The following ST3GAL1 variants were observed in gnomAD, a reference collection of about 807,000 sequenced individuals.
The protein encoded by ST3GAL1 is ST3 beta-galactoside alpha-2,3-sialyltransferase 1, also known as CMP-N-acetylneuraminate-beta-galactosamide-alpha-2,3-sialyltransferase 1.
In ST3GAL1, 16 loss-of-function variants were observed where a neutral mutation model predicts 34.1. The observed-to-expected ratio is 0.47, with a 90% CI of 0.32 to 0.71. The LOEUF (loss-of-function observed/expected upper bound fraction) is 0.71. ST3GAL1 is among the 30% of genes least tolerant of loss of function. The pLI, the probability that ST3GAL1 is intolerant of heterozygous loss-of-function variation, is 0.04. For synonymous variants in ST3GAL1, 191 were observed against 184.7 expected (o/e 1.03, Z -0.28); for missense variants, 353 against 447.4 (o/e 0.79, Z 1.90).
chr8:133,569,383 A>T (rs1453841228), intron 1 of ST3GAL1, among the ~76,000 whole-genome samples: 1 of 152,276 alleles, frequency 6.6e-6, no homozygotes, highest in African/African-American at 2.4e-5. Flanking sequence ...CATGTAGAGT[A>T]TGAACTACCT....
At chr8:133,460,438 G>A (rs115872628) in intron 9 of ST3GAL1, among the ~76,000 whole-genome samples, 4,446 of 152,326 alleles carry the variant, frequency 0.029, 111 homozygotes, top group African/African-American at 0.064. Context: ...CATGATTGCA[G>A]TGAGGCAGAG....
At position 133,571,182 on chromosome 8, in the gene ST3GAL1, T is replaced by C. The variant is rs113245506; in HGVS notation, c.-582+511A>G. 9.6e-3 allele frequency among the ~76,000 whole-genome samples: 1,460 copies of C among 152,298 alleles called. 16 individuals carry two copies. Among genetic ancestry groups the C allele is most frequent in the African/African-American group, 0.028 (1,166 of 41,564 alleles). ...TCCCACGGCCGCTCGTCCAGAACAC[T>C]GGCGGCCTCCGCGGTGTCCCAGCCT... On this transcript the variant is annotated intron_variant, in intron 1 of 9. Transcript: ENST00000522652. The surrounding 1 kb of genome is among the most constrained non-coding windows in gnomAD (Gnocchi z 6.7).
At chr8:133,471,032 G>A (rs377225848) in intron 5 of ST3GAL1, among the ~76,000 whole-genome samples, 2 of 152,002 alleles carry the variant, frequency 1.3e-5, no homozygotes, top group East Asian at 3.9e-4. Flanking sequence ...CTCCTTCCAC[G>A]GCCAATGAAT....
intron 1 of ST3GAL1, among the ~76,000 whole-genome samples, chr8:133,555,916 C>T (rs545324709): frequency 6.6e-5 from 10 of 152,184 alleles, no homozygotes; most frequent in South Asian, 6.2e-4. Context: ...TGTTTTGAGA[C>T]AGAATTTCAC....
chr8:133,569,319 G>C (rs971969691), intron 1 of ST3GAL1, among the ~76,000 whole-genome samples: 6 of 152,246 alleles, frequency 3.9e-5, no homozygotes, highest in African/African-American at 1.2e-4. Flanking sequence ...TTAGCAAAAA[G>C]TGTACGATGG....
chr8:133,562,728 G>A (rs1829402), intron 1 of ST3GAL1, among the ~76,000 whole-genome samples: 13,386 of 151,880 alleles, frequency 0.088, 1,310 homozygotes, highest in East Asian at 0.45. Context: ...GCCAATTCAG[G>A]GGATTTATTT....
intron 8 of ST3GAL1, among the ~76,000 whole-genome samples, chr8:133,462,406 C>T (rs1815546510): frequency 1.3e-5 from 2 of 152,168 alleles, no homozygotes; most frequent in Admixed American, 1.3e-4. Context: ...TGGCTGGAAT[C>T]ATCGCCAATC....
intron 3 of ST3GAL1, among the ~76,000 whole-genome samples, chr8:133,479,931 C>T (rs1816319850): frequency 6.6e-6 from 1 of 152,220 alleles, no homozygotes; most frequent in African/African-American, 2.4e-5. Context: ...CATGTCTTCT[C>T]CGTGCTCTAG....
intron 2 of ST3GAL1, among the ~76,000 whole-genome samples, chr8:133,499,993 C>G (rs1817096279): frequency 6.6e-6 from 1 of 152,202 alleles, no homozygotes; most frequent in African/African-American, 2.4e-5. Flanking sequence ...TGCGAAGGAA[C>G]AGAGAGACGT....
chr8:133,482,545 G>A (rs1031780427), intron 3 of ST3GAL1, among the ~76,000 whole-genome samples: 4 of 152,188 alleles, frequency 2.6e-5, no homozygotes, highest in African/African-American at 4.8e-5. Flanking sequence ...CCACCCAAGC[G>A]GCCCCACTGC....
At chr8:133,555,564 AAAG>A (rs954945226) in intron 1 of ST3GAL1, among the ~76,000 whole-genome samples, 3 of 152,182 alleles carry the variant, frequency 2.0e-5, no homozygotes, top group African/African-American at 7.2e-5. Flanking sequence ...AAAAAAAAAG[AAAG>A]GAGGGGGAGT....
chr8:133,554,366 G>A (rs1397480237), intron 1 of ST3GAL1, among the ~76,000 whole-genome samples: 1 of 152,172 alleles, frequency 6.6e-6, no homozygotes, highest in Non-Finnish European at 1.5e-5. Flanking sequence ...TGCAGCGGTG[G>A]GGGTGGATCC....
At chr8:133,505,657 C>T (rs1224637080) in intron 2 of ST3GAL1, among the ~76,000 whole-genome samples, 2 of 151,202 alleles carry the variant, frequency 1.3e-5, no homozygotes, top group East Asian at 1.9e-4. Flanking sequence ...GGGTGGAGTG[C>T]GGTGGTGCAA....
intron 2 of ST3GAL1, among the ~76,000 whole-genome samples, chr8:133,504,499 G>T (rs1238002963): frequency 1.3e-5 from 2 of 152,214 alleles, no homozygotes; most frequent in African/African-American, 4.8e-5. Flanking sequence ...ACTGAAAGTG[G>T]GTAGTGAAGT....
chr8:133,498,147 C>T (rs1042636345), intron 3 of ST3GAL1, among the ~76,000 whole-genome samples: 3 of 152,200 alleles, frequency 2.0e-5, no homozygotes, highest in African/African-American at 2.4e-5. Context: ...AACTGGCGCT[C>T]GACAGTGGAC....
At chr8:133,542,044 T>C (rs1818550687) in intron 2 of ST3GAL1, among the ~76,000 whole-genome samples, 1 of 152,150 alleles carries the variant, frequency 6.6e-6, no homozygotes, top group South Asian at 2.1e-4. Flanking sequence ...TGGATATACA[T>C]GTGGATGTGA....
chr8:133,478,825 T>C (rs943253738), intron 3 of ST3GAL1, among the ~76,000 whole-genome samples: 3 of 152,146 alleles, frequency 2.0e-5, no homozygotes, highest in Non-Finnish European at 2.9e-5. Flanking sequence ...CTGGGAGCAA[T>C]GTGAGGATGG....
At position 133,556,953 on chromosome 8, in the gene ST3GAL1, A is replaced by T. The variant is rs1819050989; in HGVS notation, c.-581-11027T>A. ...GGGTCTCGAGCCTTTTATGATGTGC[A>T]TGCATGTGTTAGAAGGAAACATTGT... On this transcript the variant is annotated intron_variant, in intron 1 of 9. Transcript: ENST00000522652. This position sits in a 1 kb window ranked among gnomAD's most constrained non-coding sequence, Gnocchi z 8.9. 6.6e-6 allele frequency among the ~76,000 whole-genome samples: 1 copy of T among 152,166 alleles called. No individual in the cohort carries two copies. The highest frequency in any genetic ancestry group is 1.5e-5 in the Non-Finnish European group (1 of 68,028).
chr8:133,538,880 C>T (rs2131059049), intron 2 of ST3GAL1, among the ~76,000 whole-genome samples: 1 of 152,160 alleles, frequency 6.6e-6, no homozygotes, highest in Admixed American at 6.5e-5. Context: ...ACGCTGTAAG[C>T]CTTCACAGCG....
Sources: gnomAD v4.1 joint callset for allele counts (sites outside exome capture counted in the v4.1 genomes callset) on GRCh38, gnomAD v4.1.1 for gene constraint, Gnocchi (gnomAD v3.1) non-coding constraint, MANE v1.5 for transcripts, NCBI Gene and HGNC (gene_info 2026-07-23, HGNC 2026-07-21) for gene names.